Variants in ABLIM1 observed in about 807,000 individuals in gnomAD.
The protein encoded by ABLIM1 is actin-binding LIM protein 1.
ABLIM1 carries 40 observed loss-of-function variants against 107.0 expected under a neutral mutation model. The ratio of observed to expected loss-of-function variants is 0.37; its 90% CI spans 0.29 to 0.49. The LOEUF (loss-of-function observed/expected upper bound fraction) is 0.49. Ranked by LOEUF, ABLIM1 falls within the 20% of genes least tolerant of loss-of-function variation. The pLI, the probability that ABLIM1 is intolerant of heterozygous loss-of-function variation, is 0.97. For synonymous variants in ABLIM1, 357 were observed against 357.3 expected, an observed-to-expected ratio of 1.00 and a Z score of 0.01; for missense variants, 857 against 1,008.5, an observed-to-expected ratio of 0.85 and a Z score of 2.04.
intron 1 of ABLIM1, among the ~76,000 whole-genome samples, chr10:114,666,600 T>G (rs1186950637): frequency 1.3e-5 from 2 of 152,234 alleles, no homozygotes; most frequent in African/African-American, 4.8e-5. Flanking sequence ...TTTTGCTACT[T>G]GCTGCTCAGC....
chr10:114,620,535 G>A (rs1045710433), intron 1 of ABLIM1, among the ~76,000 whole-genome samples: 7 of 152,082 alleles, frequency 4.6e-5, no homozygotes, highest in Admixed American at 1.3e-4. Flanking sequence ...TCAGCCTCCC[G>A]AGTAGCTGGA....
At chr10:114,511,994 C>T (rs1365369639) in intron 6 of ABLIM1, among the ~76,000 whole-genome samples, 2 of 152,200 alleles carry the variant, frequency 1.3e-5, no homozygotes, top group Non-Finnish European at 2.9e-5. Context: ...CTTCCTGGAG[C>T]AGAAAGACCT....
intron 20 of ABLIM1, chr10:114,439,531 T>C (rs531225796): frequency 1.9e-5 from 10 of 516,336 alleles, no homozygotes; most frequent in Non-Finnish European, 3.4e-5. Flanking sequence ...ATTTAAAAGA[T>C]GCCCAAGTCT....
At chr10:114,756,396 C>T (rs762556374) in intron 1 of ABLIM1, among the ~76,000 whole-genome samples, 22 of 152,140 alleles carry the variant, frequency 1.4e-4, no homozygotes, top group Non-Finnish European at 2.9e-4. Flanking sequence ...TCATATATTT[C>T]ATTTTGCAAA....
chr10:114,776,335 C>G, the ABLIM1 span, among the ~76,000 whole-genome samples: 1 of 152,044 alleles, frequency 6.6e-6, no homozygotes, highest in Non-Finnish European at 1.5e-5. Context: ...TAGTTTTGGG[C>G]CGGGCGTGGT....
chr10:114,560,993 G>T lies in ABLIM1; in HGVS notation c.673+10304C>A, dbSNP rs532183779. On this transcript the variant is annotated intron_variant, in intron 4 of 22. Transcript: ENST00000533213. Reference sequence around the variant, plus strand: ...GTACAAAAGCACATTTGCAGTGAATGCATTAAAGGCCACTGAAACGTTCAA... The same window carrying T: ...GTACAAAAGCACATTTGCAGTGAATTCATTAAAGGCCACTGAAACGTTCAA... Among the ~76,000 whole-genome samples the T allele has an allele frequency of 2.6e-5, 4 of 152,310 alleles. No homozygotes were observed. The East Asian group carries it at 7.7e-4, about 29-fold the overall frequency.
At chr10:114,494,762 G>A (rs1433544935) in intron 6 of ABLIM1, among the ~76,000 whole-genome samples, 1 of 152,218 alleles carries the variant, frequency 6.6e-6, no homozygotes, top group Admixed American at 6.5e-5. Flanking sequence ...AAGCTGTTGA[G>A]ACACTAGGGT....
chr10:114,699,235 A>G (rs915813757), intron 1 of ABLIM1, among the ~76,000 whole-genome samples: 1 of 152,082 alleles, frequency 6.6e-6, no homozygotes. Context: ...AGGTTGTTGG[A>G]AAAGGGCCCT....
At chr10:114,656,078 C>T (rs2141169917) in intron 1 of ABLIM1, among the ~76,000 whole-genome samples, 1 of 152,178 alleles carries the variant, frequency 6.6e-6, no homozygotes, top group Admixed American at 6.5e-5. Flanking sequence ...CCAGACCAGC[C>T]TGGCCAACAT....
chr10:114,569,320 C>T (rs1387650664), intron 4 of ABLIM1, among the ~76,000 whole-genome samples: 1 of 145,712 alleles, frequency 6.9e-6, no homozygotes, highest in African/African-American at 2.5e-5. Flanking sequence ...TTTTCTTTTT[C>T]TTTTTTTTTT....
chr10:114,520,664 A>AAAG (rs1565787291), intron 6 of ABLIM1, among the ~76,000 whole-genome samples: 5 of 151,870 alleles, frequency 3.3e-5, no homozygotes, highest in South Asian at 2.1e-4. Flanking sequence ...AAAAAGAAAA[A>AAAG]AAAGAAAGAA....
intron 1 of ABLIM1, among the ~76,000 whole-genome samples, chr10:114,611,596 G>A (rs1228095975): frequency 1.3e-5 from 2 of 152,154 alleles, no homozygotes; most frequent in South Asian, 2.1e-4. Context: ...CTGGACTCCT[G>A]ATTATAGAAA....
At chr10:114,760,779 A>G (rs774429585) in intron 1 of ABLIM1, among the ~76,000 whole-genome samples, 1 of 152,196 alleles carries the variant, frequency 6.6e-6, no homozygotes, top group East Asian at 1.9e-4. Flanking sequence ...GAAACATATG[A>G]CACTCCCACA....
chr10:114,603,434 G>A (rs1383675805), intron 1 of ABLIM1, among the ~76,000 whole-genome samples: 1 of 152,076 alleles, frequency 6.6e-6, no homozygotes, highest in East Asian at 1.9e-4. Flanking sequence ...GGGACCCTGG[G>A]AATGGCCACA....
At chr10:114,621,685 T>C (rs531836751) in intron 1 of ABLIM1, among the ~76,000 whole-genome samples, 4 of 152,278 alleles carry the variant, frequency 2.6e-5, no homozygotes, top group East Asian at 1.9e-4. Flanking sequence ...TCACCTGGTG[T>C]CCCCTCCATT....
intron 1 of ABLIM1, among the ~76,000 whole-genome samples, chr10:114,720,346 A>G (rs751890270): frequency 6.6e-6 from 1 of 152,146 alleles, no homozygotes; most frequent in African/African-American, 2.4e-5. Context: ...ATGTACATGT[A>G]TCTTTATAAC....
chr10:114,769,265 C>T (rs1394942193), upstream of ABLIM1, among the ~76,000 whole-genome samples: 1 of 146,974 alleles, frequency 6.8e-6, no homozygotes, highest in African/African-American at 2.5e-5. Context: ...GTATGAGAAT[C>T]GCTTGAGGTG....
chr10:114,672,728 G>A (rs990481481), intron 1 of ABLIM1, among the ~76,000 whole-genome samples: 2 of 152,060 alleles, frequency 1.3e-5, no homozygotes, highest in Non-Finnish European at 2.9e-5. Flanking sequence ...GGTATTCTAT[G>A]CTTTATTCCA....
At chr10:114,515,252 C>T (rs554752548) in intron 6 of ABLIM1, among the ~76,000 whole-genome samples, 2 of 152,262 alleles carry the variant, frequency 1.3e-5, no homozygotes, top group East Asian at 1.9e-4. Flanking sequence ...TTTTGGTGTG[C>T]GGCAGTGGGA....
Sources: allele counts gnomAD v4.1 joint callset (sites outside exome capture counted in the v4.1 genomes callset), GRCh38; gene constraint gnomAD v4.1.1; transcripts MANE v1.5; gene names NCBI Gene and HGNC (gene_info 2026-07-23, HGNC 2026-07-21).